Variants in OSBPL10 observed in about 807,000 individuals in gnomAD.
OSBPL10 encodes oxysterol-binding protein-related protein 10.
OSBPL10 carries 49 observed loss-of-function variants against 81.7 expected under a neutral mutation model. The ratio of observed to expected loss-of-function variants is 0.60; its 90% CI spans 0.48 to 0.76. The LOEUF is 0.76. Ranked by LOEUF, OSBPL10 falls within the 30% of genes least tolerant of loss-of-function variation. OSBPL10 has a pLI of 0.00. For synonymous variants in OSBPL10, 419 were observed against 383.6 expected, an observed-to-expected ratio of 1.09 and a Z score of -1.08; for missense variants, 923 against 987.8, an observed-to-expected ratio of 0.93 and a Z score of 0.88.
At chr3:31,951,679 T>C (rs2125445679) in intron 1 of OSBPL10, among the ~76,000 whole-genome samples, 1 of 150,942 alleles carries the variant, frequency 6.6e-6, no homozygotes, top group African/African-American at 2.4e-5. Context: ...TGTATACAAT[T>C]ATAAAAATAG....
chr3:32,037,895 ACT>A (rs1433770019), intron 2 of OSBPL10, among the ~76,000 whole-genome samples: 8 of 152,164 alleles, frequency 5.3e-5, no homozygotes, highest in Non-Finnish European at 1.0e-4. Context: ...CCTAGGAAAG[ACT>A]CTGCAACTTA....
At chr3:31,870,411 C>T (rs1701290451) in intron 3 of OSBPL10, among the ~76,000 whole-genome samples, 1 of 152,238 alleles carries the variant, frequency 6.6e-6, no homozygotes, top group Non-Finnish European at 1.5e-5. Flanking sequence ...CCTCCATGGG[C>T]TCCTGTGCGG....
In OSBPL10 at chr3:31,662,004, G is replaced by A; in HGVS notation, c.*68C>T. 1.3e-6 allele frequency: 2 copies of A among 1,586,914 alleles called. No individual in the cohort carries two copies. Among genetic ancestry groups the A allele is most frequent in the Non-Finnish European group, 1.7e-6 (2 of 1,167,942 alleles). On this transcript the variant is annotated 3_prime_UTR_variant, in exon 12 of 12. Transcript: ENST00000396556. ...TCTCAGTGAATGCCAACAAAACCCT[G>A]ATACTCTACTACTTTAATATTCCTA...
intron 3 of OSBPL10, among the ~76,000 whole-genome samples, chr3:31,854,223 A>G (rs1316729277): frequency 6.6e-6 from 1 of 152,088 alleles, no homozygotes; most frequent in African/African-American, 2.4e-5. Context: ...GTAAAGGCCA[A>G]ACTGACCCCA....
In OSBPL10 at chr3:31,774,594, C is replaced by T. The variant is rs531291770; in HGVS notation, c.730-26474G>A. ...ATGGTGAGATCTTGGCTCACTGCTA[C>T]CTCTGCCTCCCAGGTTCAAGCGATT... On this transcript the variant is annotated intron_variant, in intron 4 of 11. Coordinates refer to ENST00000396556, the MANE Select transcript of OSBPL10 (RefSeq NM_017784.5). Among the ~76,000 whole-genome samples, 15 of 152,006 alleles carry T rather than the reference C, an allele frequency of 9.9e-5. No homozygotes were observed. The South Asian group carries it at 2.9e-3, about 30-fold the overall frequency.
intron 1 of OSBPL10, among the ~76,000 whole-genome samples, chr3:32,049,780 A>C (rs968002452): frequency 3.7e-4 from 57 of 152,138 alleles, no homozygotes; most frequent in African/African-American, 1.3e-3. Flanking sequence ...AAAACTTGAG[A>C]GCTGATGGGA....
intron 1 of OSBPL10, among the ~76,000 whole-genome samples, chr3:31,887,184 G>A (rs991881027): frequency 6.6e-6 from 1 of 152,068 alleles, no homozygotes; most frequent in Non-Finnish European, 1.5e-5. Context: ...AGCCTTCCAG[G>A]TCCCTCCTGT....
intron 7 of OSBPL10, among the ~76,000 whole-genome samples, chr3:31,686,483 T>G (rs1228380447): frequency 1.3e-5 from 2 of 152,222 alleles, no homozygotes; most frequent in Non-Finnish European, 2.9e-5. Flanking sequence ...AAATTGAACA[T>G]GTAATACAAT....
At chr3:31,811,324 C>G (rs2125477077) in intron 4 of OSBPL10, among the ~76,000 whole-genome samples, 1 of 152,330 alleles carries the variant, frequency 6.6e-6, no homozygotes, top group Non-Finnish European at 1.5e-5. Flanking sequence ...AGGAAGCCTC[C>G]ACCCGGAGAG....
chr3:32,040,534 G>A (rs973755813), intron 2 of OSBPL10, among the ~76,000 whole-genome samples: 1 of 151,854 alleles, frequency 6.6e-6, no homozygotes, highest in Admixed American at 6.6e-5. Flanking sequence ...GCCTGGCATA[G>A]GAGTAAAGTC....
At position 31,683,956 on chromosome 3, in the gene OSBPL10, C is replaced by G. The variant is rs1485048578; in HGVS notation, c.1404G>C (p.Glu468Asp). ...FVEYYLTAFH[E>D]GRKGALAKKP... ...TCTTGGCTAAAGCGCCCTTGCGGCC[C>G]TCGTGAAAGGCTGTGAGATAATACT... Residue 468 changes from glutamate to aspartate, a missense_variant, in exon 8 of 12, where the codon GAG (glutamate) becomes GAC (aspartate). Physicochemically the swap from Glu to Asp is conservative, Grantham distance 45. Coordinates refer to ENST00000396556, the MANE Select transcript of OSBPL10 (RefSeq NM_017784.5). 6.2e-7 allele frequency: 1 copy of G among 1,614,100 alleles called. No individual in the cohort carries two copies. The highest frequency in any genetic ancestry group is 8.5e-7 in the Non-Finnish European group (1 of 1,180,060).
intron 5 of OSBPL10, among the ~76,000 whole-genome samples, chr3:31,744,279 G>A (rs376652093): frequency 3.9e-5 from 6 of 152,104 alleles, no homozygotes; most frequent in South Asian, 2.1e-4. Context: ...GGTGGCTCAC[G>A]CCTATAATCC....
At chr3:31,918,581 C>T (rs1239701123) in intron 1 of OSBPL10, among the ~76,000 whole-genome samples, 5 of 152,076 alleles carry the variant, frequency 3.3e-5, no homozygotes, top group African/African-American at 4.8e-5. Context: ...CCACTGCTGA[C>T]CAAACAGGAA....
At chr3:31,956,269 T>C (rs1698003799) in intron 1 of OSBPL10, among the ~76,000 whole-genome samples, 1 of 152,122 alleles carries the variant, frequency 6.6e-6, no homozygotes, top group Non-Finnish European at 1.5e-5. Context: ...CTTTCCACAT[T>C]AGAGGGAGGG....
intron 1 of OSBPL10, among the ~76,000 whole-genome samples, chr3:31,925,162 A>C (rs1697033675): frequency 6.6e-6 from 1 of 152,144 alleles, no homozygotes; most frequent in South Asian, 2.1e-4. Context: ...CATATAGAAC[A>C]GACTGGAACT....
intron 3 of OSBPL10, among the ~76,000 whole-genome samples, chr3:31,850,845 A>C (rs1297207846): frequency 6.6e-6 from 1 of 152,230 alleles, no homozygotes; most frequent in East Asian, 1.9e-4. Flanking sequence ...AATAAGAAAC[A>C]AGTACAAAAA....
chr3:31,818,541 T>C (rs891409536), intron 4 of OSBPL10, among the ~76,000 whole-genome samples: 2 of 152,214 alleles, frequency 1.3e-5, no homozygotes, highest in Non-Finnish European at 2.9e-5. Flanking sequence ...GCAGTTCTCA[T>C]GGCCTCCTCT....
At chr3:31,774,622 C>G (rs1400624713) in intron 4 of OSBPL10, among the ~76,000 whole-genome samples, 1 of 151,958 alleles carries the variant, frequency 6.6e-6, no homozygotes, top group Non-Finnish European at 1.5e-5. Context: ...AAGCGATTCT[C>G]CTGCCTCAGC....
At position 31,670,857 on chromosome 3, in the gene OSBPL10, G is replaced by T. The variant is rs1464499163; in HGVS notation, c.1853C>A (p.Thr618Asn). 1.2e-6 allele frequency: 2 copies of T among 1,614,154 alleles called. No individual in the cohort carries two copies. Among genetic ancestry groups the T allele is most frequent in the Admixed American group, 3.3e-5 (2 of 60,022 alleles). Residue 618 changes from threonine to asparagine, a missense_variant, in exon 9 of 12, where the codon ACT (threonine) becomes AAT (asparagine). Coordinates refer to ENST00000396556, the MANE Select transcript of OSBPL10 (RefSeq NM_017784.5). ...GGKVSINCAK[T>N]GYSATVIFHT... is the part of the protein sequence containing the mutation. ...GAATATCACTGTCGCTGAGTACCCA[G>T]TCTTGGCACAGTTGATGCTGACTTT... is the stretch of plus-strand genomic sequence containing the variant.
Sources: gnomAD v4.1 joint callset for allele counts (sites outside exome capture counted in the v4.1 genomes callset) on GRCh38, gnomAD v4.1.1 for gene constraint, MANE v1.5 for transcripts, NCBI Gene and HGNC (gene_info 2026-07-23, HGNC 2026-07-21) for gene names.